UNC79: variants seen among roughly 807,000 people sequenced by gnomAD.
UNC79 encodes the protein unc-79 subunit of NALCN channel complex.
In UNC79, 37 loss-of-function variants were observed where a neutral mutation model predicts 283.1. The ratio of observed to expected loss-of-function variants is 0.13; its 90% confidence interval spans 0.10 to 0.17. The LOEUF is 0.17. Among genes scored for constraint, UNC79 ranks in the 10% least tolerant of loss-of-function variants. The pLI is 1.00. For synonymous variants in UNC79, 1,107 were observed against 1,200.2 expected (o/e 0.92, Z 1.61); for missense variants, 2,272 against 3,211.1 (o/e 0.71, Z 7.07).
Position 93,580,475 on chromosome 14 carries a change from A to G in UNC79, c.2661+99A>G, listed in dbSNP as rs1246825179. On this transcript the variant is annotated intron_variant, in intron 19 of 48. Transcript: ENST00000555664. Reference sequence around the variant, plus strand: ...TTCCTCCAGCAGCATCTTATACTCCATGCTGGGTTATACGTGAGACTGTGT... The same window carrying G: ...TTCCTCCAGCAGCATCTTATACTCCGTGCTGGGTTATACGTGAGACTGTGT... 21 of 1,179,238 alleles carry G rather than the reference A, an allele frequency of 1.8e-5. No individual in the cohort carries two copies. The African/African-American group carries it at 2.5e-4, about 14-fold the overall frequency. 73.0% of individuals were successfully genotyped at this position (1,179,238 alleles called of 1,614,324 possible).
At chr14:93,579,581 T>C (rs2141719628) in intron 18 of UNC79, among the ~76,000 whole-genome samples, 1 of 152,354 alleles carries the variant, frequency 6.6e-6, no homozygotes, top group Non-Finnish European at 1.5e-5. Flanking sequence ...TGATTCTGTA[T>C]TTTGATGCTC....
At chr14:93,376,867 A>G (rs2054570242) in intron 1 of UNC79, among the ~76,000 whole-genome samples, 1 of 148,048 alleles carries the variant, frequency 6.8e-6, no homozygotes. Context: ...AATTATATAT[A>G]AAAATATATA....
intron 30 of UNC79, among the ~76,000 whole-genome samples, chr14:93,627,094 A>G (rs1218738253): frequency 6.6e-6 from 1 of 152,116 alleles, no homozygotes; most frequent in African/African-American, 2.4e-5. Flanking sequence ...TTTCATTCCT[A>G]CTATTTCACC....
chr14:93,679,993 C>T (rs2073707127), intron 41 of UNC79, among the ~76,000 whole-genome samples: 1 of 152,044 alleles, frequency 6.6e-6, no homozygotes, highest in South Asian at 2.1e-4. Flanking sequence ...TTTAGTTGTG[C>T]ATCTGATGTA....
intron 1 of UNC79, among the ~76,000 whole-genome samples, chr14:93,383,298 G>T (rs2054702369): frequency 6.6e-6 from 1 of 152,098 alleles, no homozygotes; most frequent in South Asian, 2.1e-4. Flanking sequence ...TGGGAGCTGG[G>T]GTTGTTGAAG....
In UNC79 at chr14:93,474,046, T is replaced by C. The variant is rs2057664860; in HGVS notation, c.144-43T>C. On this transcript the variant is annotated intron_variant, in intron 2 of 48. Coordinates refer to ENST00000555664, the Ensembl canonical transcript of UNC79. The surrounding 1 kb of genome is among the most constrained non-coding windows in gnomAD (Gnocchi z 4.1). Reference sequence around the variant, plus strand: ...TCATTTCAATGTAATGTGCTGTTCTTTGTGTCTTTGTTGTCTCTTTTTTTT... The same window carrying C: ...TCATTTCAATGTAATGTGCTGTTCTCTGTGTCTTTGTTGTCTCTTTTTTTT... 1 of 1,489,626 alleles carries C rather than the reference T, an allele frequency of 6.7e-7. No individual in the cohort carries two copies. The highest frequency in any genetic ancestry group is 1.4e-5 in the African/African-American group (1 of 71,436). 92.3% of individuals were successfully genotyped at this position (1,489,626 alleles called of 1,614,324 possible).
At chr14:93,694,397 G>A (rs1180440522) in exon 47 of UNC79, 11 of 1,609,472 alleles carry the variant, frequency 6.8e-6, no homozygotes, top group East Asian at 4.5e-5. Context: ...AATGCAATTC[G>A]ACCATTTTTG....
Position 93,593,692 on chromosome 14 carries a change from C to G in UNC79, c.3045C>G (p.Val1015=), listed in dbSNP as rs143848054. 8 of 1,611,636 alleles carry G rather than the reference C, an allele frequency of 5.0e-6. No individual in the cohort carries two copies. In the Admixed American group the frequency reaches 1.3e-4, roughly 27 times the overall value. ...CTTGATTCCCTAGCCTGTGGAGGGT[C>G]GTCAAATCCGAGTTCTCTCAGCTGT... Residue 1015 remains valine, a synonymous_variant, in exon 23 of 49, where the codon GTC becomes GTG. Coordinates refer to ENST00000555664, the Ensembl canonical transcript of UNC79.
At chr14:93,572,852 A>C (rs1566678757) in intron 16 of UNC79, 36 bp downstream of exon 16, 5 of 1,608,952 alleles carry the variant, frequency 3.1e-6, no homozygotes, top group Middle Eastern at 1.7e-4. Flanking sequence ...TTTAGGAAAT[A>C]GTTCTTAGCT....
intron 1 of UNC79, among the ~76,000 whole-genome samples, chr14:93,462,005 C>A (rs1242772): frequency 0.86 from 129,837 of 151,142 alleles, 55,903 homozygotes; most frequent in East Asian, 0.93. Flanking sequence ...AAAACAAAAA[C>A]CGGTGTTAAG....
intron 1 of UNC79, among the ~76,000 whole-genome samples, chr14:93,444,781 C>A (rs1350732724): frequency 5.3e-5 from 8 of 152,088 alleles, no homozygotes; most frequent in Non-Finnish European, 1.2e-4. Context: ...GGCATATGAT[C>A]TTTAGTACTA....
intron 18 of UNC79, among the ~76,000 whole-genome samples, chr14:93,579,570 A>G (rs573407657): frequency 3.3e-5 from 5 of 152,272 alleles, no homozygotes; most frequent in South Asian, 2.1e-4. Flanking sequence ...ATCTGTTACT[A>G]TGATTCTGTA....
At chr14:93,584,855 C>G (rs954030273) in intron 20 of UNC79, among the ~76,000 whole-genome samples, 1 of 151,162 alleles carries the variant, frequency 6.6e-6, no homozygotes, top group Non-Finnish European at 1.5e-5. Context: ...CACCACCACT[C>G]TGGCTAAGTT....
chr14:93,383,037 G>T (rs1419114243), intron 1 of UNC79, among the ~76,000 whole-genome samples: 1 of 152,200 alleles, frequency 6.6e-6, no homozygotes, highest in Non-Finnish European at 1.5e-5. Context: ...GCTAAAGAAA[G>T]AATATTTAGC....
rs1000533268 is a variant in UNC79 at position 93,688,556 on chromosome 14, T to C, written c.6910-109T>C. 7.8e-6 allele frequency: 10 copies of C among 1,286,206 alleles called. No homozygotes were observed. In the African/African-American group the frequency reaches 1.5e-4, roughly 19 times the overall value. The allele number at this position is 1,286,206 out of a possible 1,614,324, so 79.7% of individuals were successfully genotyped here. On this transcript the variant is annotated intron_variant, in intron 43 of 48. Coordinates refer to ENST00000555664, the Ensembl canonical transcript of UNC79. The surrounding 1 kb of genome is among the most constrained non-coding windows in gnomAD (Gnocchi z 4.0). ...GAAGAAGTTTAAGCAGGTTGTTTGC[T>C]CAGAGTGGCGATAAGCGGGGTGGAA...
chr14:93,333,300 A>G (rs2053497099), exon 1 of UNC79: 1 of 399,798 alleles, frequency 2.5e-6, no homozygotes, highest in Admixed American at 4.4e-5. Context: ...AGTCCAGCGA[A>G]TTGTGACACA....
chr14:93,364,789 A>AT (rs1206019426), intron 1 of UNC79, among the ~76,000 whole-genome samples: 12 of 151,840 alleles, frequency 7.9e-5, no homozygotes, highest in African/African-American at 2.7e-4. Flanking sequence ...AGGTCCTGGG[A>AT]TTTTTTTCCA....
At chr14:93,494,254 G>A (rs976382299) in intron 5 of UNC79, among the ~76,000 whole-genome samples, 2 of 152,050 alleles carry the variant, frequency 1.3e-5, no homozygotes, top group African/African-American at 2.4e-5. Context: ...CAGCACCAAA[G>A]GGATGGTGCT....
intron 16 of UNC79, among the ~76,000 whole-genome samples, chr14:93,574,007 A>AAAAC (rs918361001): frequency 7.2e-5 from 11 of 152,348 alleles, no homozygotes; most frequent in East Asian, 3.9e-4. Flanking sequence ...CCTGTCTCAA[A>AAAAC]AAACAAACAA....
Sources: gnomAD v4.1 joint callset for allele counts (sites outside exome capture counted in the v4.1 genomes callset) on GRCh38, gnomAD v4.1.1 for gene constraint, Gnocchi (gnomAD v3.1) non-coding constraint, MANE v1.5 for transcripts, NCBI Gene and HGNC (gene_info 2026-07-23, HGNC 2026-07-21) for gene names.